Variants in FBN2 observed in about 807,000 individuals in gnomAD.
The protein encoded by FBN2 is fibrillin-2.
In FBN2, 105 loss-of-function variants were observed where a neutral mutation model predicts 355.6. The observed-to-expected ratio is 0.30, with a 90% confidence interval of 0.25 to 0.35. FBN2 has a LOEUF of 0.35. FBN2 is among the 10% of genes least tolerant of loss of function. FBN2 has a pLI of 1.00. For synonymous variants in FBN2, 1,350 were observed against 1,301.2 expected (o/e 1.04, Z -0.81); for missense variants, 3,280 against 3,758.7 (o/e 0.87, Z 3.33).
intron 55 of FBN2, among the ~76,000 whole-genome samples, chr5:128,284,378 C>G (rs900879721): frequency 6.6e-6 from 1 of 152,200 alleles, no homozygotes; most frequent in Admixed American, 6.5e-5. Context: ...GGCCCATACT[C>G]TGAGTCACTC....
intron 8 of FBN2, among the ~76,000 whole-genome samples, chr5:128,398,014 A>G (rs952543444): frequency 3.3e-5 from 5 of 149,390 alleles, no homozygotes; most frequent in East Asian, 3.9e-4. Context: ...TCTGTGGAGG[A>G]AAAAAAAAAG....
intron 5 of FBN2, among the ~76,000 whole-genome samples, chr5:128,472,759 C>T (rs924795570): frequency 4.0e-5 from 6 of 151,086 alleles, no homozygotes; most frequent in African/African-American, 9.8e-5. Flanking sequence ...CCATTGCACT[C>T]CAGCCTGGGC....
At chr5:128,374,535 A>C in intron 15 of FBN2, 93 bp downstream of exon 15, 1 of 1,526,800 alleles carries the variant, frequency 6.5e-7, no homozygotes. Flanking sequence ...TACTCTTCTT[A>C]TGGTGAATAT....
chr5:128,512,130 A>T (rs555630031), intron 5 of FBN2, among the ~76,000 whole-genome samples: 137 of 152,322 alleles, frequency 9.0e-4, no homozygotes, highest in African/African-American at 3.1e-3. Context: ...CACAAAAGGT[A>T]AAATAGTGAA....
rs911735999 is a variant in FBN2 at position 128,367,863 on chromosome 5, A to C, written c.2248+1319T>G. On this transcript the variant is annotated intron_variant, in intron 16 of 64. Coordinates refer to ENST00000262464, the MANE Select transcript of FBN2 (RefSeq NM_001999.4). ...ATTTTAGAACTACGTTCTCCTCATT[A>C]TTTTTCTTTTTTTTTTAAAAAAAGT... is the stretch of plus-strand genomic sequence containing the variant. Among the ~76,000 whole-genome samples the C allele has an allele frequency of 2.2e-4, 31 of 142,914 alleles. 1 individual carries two copies. Among genetic ancestry groups the C allele is most frequent in the Middle Eastern group, 3.5e-3 (1 of 284 alleles). The allele number at this position is 142,914 out of a possible 152,430, so 93.8% of individuals were successfully genotyped here.
chr5:128,434,446 G>A (rs961083069), intron 7 of FBN2, among the ~76,000 whole-genome samples: 1 of 111,394 alleles, frequency 9.0e-6, no homozygotes, highest in Non-Finnish European at 1.7e-5. Context: ...TGACAGCACT[G>A]GCGAGAACTG....
At chr5:128,487,281 A>G (rs565093235) in intron 5 of FBN2, among the ~76,000 whole-genome samples, 19 of 152,210 alleles carry the variant, frequency 1.2e-4, no homozygotes, top group African/African-American at 2.9e-4. Context: ...TCCCCTGCCA[A>G]CTTACACTGG....
chr5:128,264,974 C>A (rs2126797123), intron 62 of FBN2, among the ~76,000 whole-genome samples: 2 of 152,264 alleles, frequency 1.3e-5, no homozygotes, highest in Admixed American at 1.3e-4. Flanking sequence ...CTGATAGTCT[C>A]AGAATTAAAG....
At chr5:128,387,566 A>T (rs1317583810) in intron 11 of FBN2, among the ~76,000 whole-genome samples, 1 of 151,700 alleles carries the variant, frequency 6.6e-6, no homozygotes, top group African/African-American at 2.4e-5. Flanking sequence ...TTAATTTGAG[A>T]CCTTTCTAAC....
At chr5:128,344,600 A>G in intron 24 of FBN2, 90 bp from the exon 25 acceptor site, 1 of 1,185,312 alleles carries the variant, frequency 8.4e-7, no homozygotes, top group Non-Finnish European at 1.3e-6. Flanking sequence ...ATGATGGACA[A>G]CAGTAATGCA....
Position 128,519,296 on chromosome 5 carries a change from A to C in FBN2, c.605T>G (p.Phe202Cys). The change falls in exon 5 of 65, where the codon TTC becomes TGC. Residue 202 changes from phenylalanine (F) to cysteine (C), a missense_variant. Coordinates refer to ENST00000262464, the MANE Select transcript of FBN2 (RefSeq NM_001999.4). ...GPNRCACVYG[F>C]TGPQCERDYR... ...ACCTCTTTCACACTGTGGACCAGTG[A>C]ACCCATAAACACAAGCACAGCGGTT... 1 of 1,613,614 alleles carries C rather than the reference A, an allele frequency of 6.2e-7. No individual in the cohort carries two copies. Among genetic ancestry groups the C allele is most frequent in the Non-Finnish European group, 8.5e-7 (1 of 1,179,642 alleles).
intron 12 of FBN2, 140 bp downstream of exon 12, chr5:128,378,631 C>T (rs1752150609): frequency 7.8e-6 from 7 of 902,698 alleles, no homozygotes; most frequent in Non-Finnish European, 1.0e-5. Context: ...AAAGGAGAAT[C>T]TCTGAGGGTA....
In FBN2 at chr5:128,537,343, C is replaced by T; in HGVS notation, c.254+7G>A. ...AGCCCTAGGTGCGGAGCCGCTTGCC[C>T]ACTTACCCTCGGAGCACGTCCTGCT... On this transcript the variant is annotated splice_region_variant and intron_variant, in intron 1 of 64. Transcript: ENST00000262464. 6.2e-7 allele frequency: 1 copy of T among 1,610,048 alleles called. No homozygotes were observed. Among genetic ancestry groups the T allele is most frequent in the South Asian group, 1.1e-5 (1 of 90,902 alleles).
At chr5:128,477,732 T>C (rs1047285836) in intron 5 of FBN2, among the ~76,000 whole-genome samples, 5 of 152,138 alleles carry the variant, frequency 3.3e-5, no homozygotes, top group Non-Finnish European at 5.9e-5. Context: ...GAAGTACAAG[T>C]GTATCTGACA....
chr5:128,380,584 T>A (rs1041286987), intron 11 of FBN2, among the ~76,000 whole-genome samples: 1 of 152,028 alleles, frequency 6.6e-6, no homozygotes, highest in Non-Finnish European at 1.5e-5. Context: ...TCATCAAGGG[T>A]CTAGTACACA....
intron 34 of FBN2, among the ~76,000 whole-genome samples, chr5:128,326,841 A>G (rs950232075): frequency 6.6e-6 from 1 of 152,188 alleles, no homozygotes; most frequent in Non-Finnish European, 1.5e-5. Context: ...CATATGAGAA[A>G]ACTAGATGTG....
At position 128,535,830 on chromosome 5, in the gene FBN2, A is replaced by C. The variant is rs182212367; in HGVS notation, c.337+572T>G. 9.6e-4 allele frequency among the ~76,000 whole-genome samples: 146 copies of C among 152,100 alleles called. No individual in the cohort carries two copies. In the East Asian group the frequency reaches 0.027, roughly 28 times the overall value. The stretch of plus-strand genomic sequence containing the variant: ...TCTTCCAAAAAGCAAAAAAAAAAAA[A>C]AACTCAAGCCCCTTTGTAAGAGTTC... On this transcript the variant is annotated intron_variant, in intron 2 of 64. Transcript: ENST00000262464.
intron 7 of FBN2, among the ~76,000 whole-genome samples, chr5:128,440,351 T>C (rs1024617434): frequency 2.0e-5 from 3 of 152,206 alleles, no homozygotes; most frequent in African/African-American, 7.2e-5. Context: ...TATTGGCTCA[T>C]GGTTCTGCAG....
In FBN2 at chr5:128,330,671, G is replaced by C; in HGVS notation, c.4247C>G (p.Thr1416Ser). 2 of 1,613,900 alleles carry C rather than the reference G, an allele frequency of 1.2e-6. No homozygotes were observed. Among genetic ancestry groups the C allele is most frequent in the African/African-American group, 2.7e-5 (2 of 75,000 alleles). ...CIDLDECSNG[T>S]HQCSINAQCV... ...CTGAGCATTGATGCTACACTGGTGG[G>C]TTCCATTAGAACATTCGTCCAGATC... Residue 1416 changes from threonine to serine, a missense_variant, in exon 33 of 65, where the codon ACC becomes AGC. By Grantham distance (58) the Thr-to-Ser change is moderately conservative. Transcript: ENST00000262464.
Sources: allele counts gnomAD v4.1 joint callset (sites outside exome capture counted in the v4.1 genomes callset), GRCh38; gene constraint gnomAD v4.1.1; transcripts MANE v1.5; gene names NCBI Gene and HGNC (gene_info 2026-07-23, HGNC 2026-07-21).